SHROOM1: variants seen among roughly 807,000 people sequenced by gnomAD.
SHROOM1 encodes protein Shroom1.
In SHROOM1, 53 loss-of-function variants were observed where a neutral mutation model predicts 64.2. The observed-to-expected ratio is 0.83, with a 90% CI of 0.66 to 1.04. SHROOM1 has a LOEUF of 1.04. Among genes scored for constraint, SHROOM1 ranks in the 50% least tolerant of loss-of-function variants. The probability of loss-of-function intolerance (pLI) is 0.00; values close to 1 mark genes in which losing one functional copy is unlikely to be tolerated. For synonymous variants in SHROOM1, 490 were observed against 518.9 expected (o/e 0.94, Z 0.76); for missense variants, 1,179 against 1,163.2 (o/e 1.01, Z -0.20).
chr5:132,826,356 C>A lies in SHROOM1; in HGVS notation c.-122G>T. ...AGAGTCACCTTGGGATCAGAGGTGG[C>A]AGAGGAAGTAGGACCAGTCCCAGGG... On this transcript the variant is annotated 5_prime_UTR_variant, in exon 3 of 10. Coordinates refer to ENST00000378679, the MANE Select transcript of SHROOM1 (RefSeq NM_001172700.2). 8.9e-7 allele frequency: 1 copy of A among 1,123,672 alleles called. No homozygotes were observed. Among genetic ancestry groups the A allele is most frequent in the South Asian group, 4.3e-5 (1 of 23,344 alleles). The allele number at this position is 1,123,672 out of a possible 1,614,324, so 69.6% of individuals were successfully genotyped here. A position where few individuals can be genotyped will look rare whatever the true frequency, so the allele number is the denominator to read the frequency against.
At position 132,822,598 on chromosome 5, in the gene SHROOM1, T is replaced by C. The variant is rs1010212017; in HGVS notation, c.*198A>G. ...CAGGATGGTCTCGATCTCCTGACCT[T>C]GTGATCCGCCCGCCTCGGCCTCCCA... On this transcript the variant is annotated 3_prime_UTR_variant, in exon 10 of 10. Transcript: ENST00000378679. 1.1e-5 allele frequency: 6 copies of C among 565,296 alleles called. No homozygotes were observed. The highest frequency in any genetic ancestry group is 3.8e-5 in the African/African-American group (2 of 52,162). The allele number at this position is 565,296 out of a possible 1,614,324, so 35.0% of individuals were successfully genotyped here.
In SHROOM1 at chr5:132,823,910, G is replaced by T; in HGVS notation, c.1751C>A (p.Ala584Asp). 1 of 1,554,792 alleles carries T rather than the reference G, an allele frequency of 6.4e-7. No individual in the cohort carries two copies. Among genetic ancestry groups the T allele is most frequent in the Non-Finnish European group, 8.7e-7 (1 of 1,152,750 alleles). ...CTCCCCACAGGCAGGCCGCATTGCAGCCCGGACCTCTGCTAAAGGAATCAG... is the reference window on the plus strand; with the variant it reads ...CTCCCCACAGGCAGGCCGCATTGCATCCCGGACCTCTGCTAAAGGAATCAG... ...DGLIPLAEVR[A>D]AMRPACGEAG... The change falls in exon 7 of 10, where the codon GCT becomes GAT. Residue 584 changes from alanine (A) to aspartate (D), a missense_variant. Coordinates refer to ENST00000378679, the MANE Select transcript of SHROOM1 (RefSeq NM_001172700.2). This position sits in a 1 kb window ranked among gnomAD's most constrained non-coding sequence, Gnocchi z 4.6.
At chr5:132,827,085 G>T (rs1366526788) in intron 2 of SHROOM1, among the ~76,000 whole-genome samples, 1 of 152,138 alleles carries the variant, frequency 6.6e-6, no homozygotes, top group Admixed American at 6.5e-5. Flanking sequence ...ATGATGGGCC[G>T]ACCCCCATCT....
chr5:132,824,988 A>C (rs376395985), intron 5 of SHROOM1, 30 bp downstream of exon 5: 3 of 1,612,312 alleles, frequency 1.9e-6, no homozygotes, highest in Admixed American at 1.7e-5. Flanking sequence ...CTTCCCCCCA[A>C]CTTGGTCCAG....
rs752082744 is a variant in SHROOM1 at position 132,825,174 on chromosome 5, G to C, written c.967C>G (p.Pro323Ala). The C allele has an allele frequency of 6.2e-7, 1 of 1,614,016 alleles. No individual in the cohort carries two copies. Among genetic ancestry groups the C allele is most frequent in the Admixed American group, 1.7e-5 (1 of 59,998 alleles). Residue 323 changes from proline to alanine, a missense_variant, in exon 4 of 10, where the codon CCC becomes GCC. Transcript: ENST00000378679. The surrounding 1 kb of genome is among the most constrained non-coding windows in gnomAD (Gnocchi z 5.1). ...CCTGACTTCCATACCTGGACAATGGGTATGGTCCCTCCTGATCCTCCCCAG... is the reference window on the plus strand; with the variant it reads ...CCTGACTTCCATACCTGGACAATGGCTATGGTCCCTCCTGATCCTCCCCAG... The part of the protein sequence containing the change: ...GSWGGSGGTI[P>A]IVQAVPQGAE...
At position 132,824,877 on chromosome 5, in the gene SHROOM1, G is replaced by A. The variant is rs900869674; in HGVS notation, c.1035-56C>T. 2.5e-6 allele frequency: 4 copies of A among 1,603,710 alleles called. No homozygotes were observed. The African/African-American group carries it at 5.4e-5, about 21-fold the overall frequency. On this transcript the variant is annotated intron_variant, in intron 5 of 9. Coordinates refer to ENST00000378679, the MANE Select transcript of SHROOM1 (RefSeq NM_001172700.2). ...TGAAAGGAAGGAAGCTCTTGGTGTTGCACCAGGGAGACAGTAGGGTATTTT... is the reference window on the plus strand; with the variant it reads ...TGAAAGGAAGGAAGCTCTTGGTGTTACACCAGGGAGACAGTAGGGTATTTT...
rs1379873571 is a variant in SHROOM1 at position 132,824,336 on chromosome 5, T to G, written c.1325A>C (p.His442Pro). 2 of 1,610,288 alleles carry G rather than the reference T, an allele frequency of 1.2e-6. No individual in the cohort carries two copies. The highest frequency in any genetic ancestry group is 1.7e-6 in the Non-Finnish European group (2 of 1,178,186). ...TGCCCCTGCAGTTCCTGGACACTCA[T>G]GGAGCGGGTACTCTGTGGGGACTGT... ...QVTVPTEYPL[H>P]ECPGTAGADD... Residue 442 changes from histidine (H) to proline (P), a missense_variant, in exon 7 of 10, where the codon CAT (histidine) becomes CCT (proline). Coordinates refer to ENST00000378679, the MANE Select transcript of SHROOM1 (RefSeq NM_001172700.2).
chr5:132,823,999 G>A lies in SHROOM1; in HGVS notation c.1662C>T (p.Pro554=). The A allele has an allele frequency of 6.2e-7, 1 of 1,606,732 alleles. No individual in the cohort carries two copies. The highest frequency in any genetic ancestry group is 1.1e-5 in the South Asian group (1 of 89,464). ...ELVQELARLD[P]SLCDPLASQP... ...GGGAAGCAAGAGGGTCACATAGAGA[G>A]GGATCTAATCTGGCCAGCTCCTGAA... The change falls in exon 7 of 10, where the codon CCC becomes CCT. Residue 554 remains proline, a synonymous_variant. Coordinates refer to ENST00000378679, the MANE Select transcript of SHROOM1 (RefSeq NM_001172700.2). This position sits in a 1 kb window ranked among gnomAD's most constrained non-coding sequence, Gnocchi z 4.6.
intron 1 of SHROOM1, among the ~76,000 whole-genome samples, chr5:132,828,668 T>C (rs1306455486): frequency 6.6e-6 from 1 of 152,212 alleles, no homozygotes; most frequent in Non-Finnish European, 1.5e-5. Context: ...TGAAAATCTA[T>C]CTTATTTGTG....
rs1758523517 is a variant in SHROOM1 at position 132,823,388 on chromosome 5, AG to A, written c.2087del (p.Pro696LeufsTer14). ...ACCGGCTGAACCGCTCCAGCTCCTGAGGGGCACAGGCCTGGCGCACTGCAGC... is the reference window on the plus strand; with the variant it reads ...ACCGGCTGAACCGCTCCAGCTCCTGAGGGCACAGGCCTGGCGCACTGCAGC... ...LEAAVRQACA[P>X]QELERFSRFM... is the part of the protein sequence containing the mutation. On this transcript the variant is annotated frameshift_variant, in exon 9 of 10. Coordinates refer to ENST00000378679, the MANE Select transcript of SHROOM1 (RefSeq NM_001172700.2). LOFTEE classifies it high-confidence loss of function. This position sits in a 1 kb window ranked among gnomAD's most constrained non-coding sequence, Gnocchi z 4.6. 6.2e-7 allele frequency: 1 copy of A among 1,610,040 alleles called. No individual in the cohort carries two copies. The highest frequency in any genetic ancestry group is 8.5e-7 in the Non-Finnish European group (1 of 1,179,770).
In SHROOM1 at chr5:132,828,050, C is replaced by T. The variant is rs568990221; in HGVS notation, c.-500-443G>A. On this transcript the variant is annotated intron_variant, in intron 1 of 9. Coordinates refer to ENST00000378679, the MANE Select transcript of SHROOM1 (RefSeq NM_001172700.2). Reference sequence around the variant, plus strand: ...ATGGAGACTTTTGGGCGCTGGCCTCCATTCTCTGAGCTGCTTGGTAGGGAG... The same window carrying T: ...ATGGAGACTTTTGGGCGCTGGCCTCTATTCTCTGAGCTGCTTGGTAGGGAG... Among the ~76,000 whole-genome samples, 91 of 152,226 alleles carry T rather than the reference C, an allele frequency of 6.0e-4. 1 individual carries two copies. Among genetic ancestry groups the T allele is most frequent in the South Asian group, 1.0e-3 (5 of 4,816 alleles).
chr5:132,826,986 G>A (rs1758722807), intron 2 of SHROOM1, among the ~76,000 whole-genome samples: 1 of 152,152 alleles, frequency 6.6e-6, no homozygotes. Flanking sequence ...ACTCCACTAT[G>A]GGAAAGTCAC....
intron 1 of SHROOM1, among the ~76,000 whole-genome samples, chr5:132,828,010 G>T (rs2150033314): frequency 6.6e-6 from 1 of 152,204 alleles, no homozygotes; most frequent in African/African-American, 2.4e-5. Context: ...TGAGGTTTGG[G>T]GCTCCCTATG....
chr5:132,829,562 C>A, intron 1 of SHROOM1: 1 of 984,720 alleles, frequency 1.0e-6, no homozygotes, highest in Non-Finnish European at 1.2e-6. Context: ...GGAGAACGGA[C>A]AGCCTCAAAT....
rs1248566680 is a variant in SHROOM1 at position 132,829,838 on chromosome 5, G to C, written c.-501+756C>G. ...GTCCCCAGCGTCCCCCGTTCTCCCA[G>C]CCTGTCCGCGCTGACAGCGCACCCC... On this transcript the variant is annotated intron_variant, in intron 1 of 9. Transcript: ENST00000378679. 3 of 985,378 alleles carry C rather than the reference G, an allele frequency of 3.0e-6. No individual in the cohort carries two copies. In the African/African-American group the frequency reaches 5.2e-5, roughly 17 times the overall value. The allele number at this position is 985,378 out of a possible 1,614,324, so 61.0% of individuals were successfully genotyped here. A position where few individuals can be genotyped will look rare whatever the true frequency, so the allele number is the denominator to read the frequency against.
chr5:132,826,121 C>A lies in SHROOM1; in HGVS notation c.20G>T (p.Gly7Val), dbSNP rs1485927464. MEALGP[G>V]GDRASPASST... ...CGAGGCCGGGGAGGCGCGGTCGCCCCCAGGTCCCAGGGCCTCCATGGCTGC... is the reference window on the plus strand; with the variant it reads ...CGAGGCCGGGGAGGCGCGGTCGCCCACAGGTCCCAGGGCCTCCATGGCTGC... The change falls in exon 4 of 10, where the codon GGG becomes GTG. Residue 7 changes from glycine (G) to valine (V), a missense_variant. Transcript: ENST00000378679. 2 of 1,382,780 alleles carry A rather than the reference C, an allele frequency of 1.4e-6. No individual in the cohort carries two copies. The highest frequency in any genetic ancestry group is 1.9e-6 in the Non-Finnish European group (2 of 1,067,962). 85.7% of individuals were successfully genotyped at this position (1,382,780 alleles called of 1,614,324 possible).
chr5:132,828,341 G>C (rs1004735630), intron 1 of SHROOM1, among the ~76,000 whole-genome samples: 1 of 152,184 alleles, frequency 6.6e-6, no homozygotes, highest in South Asian at 2.1e-4. Flanking sequence ...CCACCTGGGG[G>C]CATTTGTATA....
Position 132,825,919 on chromosome 5 carries a change from CG to C in SHROOM1, c.221del (p.Pro74ArgfsTer34). 1 of 1,365,636 alleles carries C rather than the reference CG, an allele frequency of 7.3e-7. No homozygotes were observed. The highest frequency in any genetic ancestry group is 9.5e-7 in the Non-Finnish European group (1 of 1,052,402). 84.6% of individuals were successfully genotyped at this position (1,365,636 alleles called of 1,614,324 possible). ...RVVWGGPGPA[P>X]PDAALCTSPR... is the part of the protein sequence containing the mutation. ...GGGATGTGCAAAGGGCAGCGTCGGG[CG>C]GGGCGGGGCCCGGGCCGCCCCAAAC... On this transcript the variant is annotated frameshift_variant, in exon 4 of 10. Transcript: ENST00000378679. LOFTEE classifies it high-confidence loss of function. This position sits in a 1 kb window ranked among gnomAD's most constrained non-coding sequence, Gnocchi z 5.1.
At chr5:132,827,067 G>A (rs748859847) in intron 2 of SHROOM1, among the ~76,000 whole-genome samples, 37 of 152,278 alleles carry the variant, frequency 2.4e-4, no homozygotes, top group African/African-American at 3.6e-4. Flanking sequence ...TCTGCCTTTC[G>A]TCTAGGAATG....
Sources: allele counts gnomAD v4.1 joint callset (sites outside exome capture counted in the v4.1 genomes callset), GRCh38; gene constraint gnomAD v4.1.1; non-coding constraint Gnocchi (gnomAD v3.1); transcripts MANE v1.5; gene names NCBI Gene and HGNC (gene_info 2026-07-23, HGNC 2026-07-21).